PLOD2: variants seen among roughly 807,000 people sequenced by gnomAD.
PLOD2 encodes the protein lysine hydroxylase 2.
Under a neutral mutation model 101.0 loss-of-function variants are expected in PLOD2, and 65 were observed. The observed-to-expected ratio is 0.64, with a 90% CI of 0.53 to 0.79. The LOEUF (loss-of-function observed/expected upper bound fraction) is 0.79, where lower values mean the gene tolerates loss of function less well. Ranked by LOEUF, PLOD2 falls within the 30% of genes least tolerant of loss-of-function variation. The pLI, the probability that PLOD2 is intolerant of heterozygous loss-of-function variation, is 0.00. For missense variants in PLOD2, 909 were observed against 914.6 expected, an observed-to-expected ratio of 0.99 and a Z score of 0.08; for synonymous variants, 314 against 302.9, an observed-to-expected ratio of 1.04 and a Z score of -0.38.
In PLOD2 at chr3:146,081,879, G is replaced by C; in HGVS notation, c.1233-16C>G. Reference sequence around the variant, plus strand: ...AATGATCTTTCTAAAGACAGAGAGAGTGTGTGTGAGAGAGAGAAACCTATA... The same window carrying C: ...AATGATCTTTCTAAAGACAGAGAGACTGTGTGTGAGAGAGAGAAACCTATA... On this transcript the variant is annotated splice_polypyrimidine_tract_variant and intron_variant, in intron 11 of 19. Coordinates refer to ENST00000282903, the MANE Select transcript of PLOD2 (RefSeq NM_182943.3). 1 of 1,607,134 alleles carries C rather than the reference G, an allele frequency of 6.2e-7. No homozygotes were observed. The highest frequency in any genetic ancestry group is 8.5e-7 in the Non-Finnish European group (1 of 1,174,406).
chr3:146,102,611 T>C lies in PLOD2; in HGVS notation c.777+144A>G, dbSNP rs1218461077. The C allele has an allele frequency of 4.9e-6, 3 of 612,652 alleles. No individual in the cohort carries two copies. The Admixed American group carries it at 8.3e-5, about 17-fold the overall frequency. The allele number at this position is 612,652 out of a possible 1,614,324, so 38.0% of individuals were successfully genotyped here. A position where few individuals can be genotyped will look rare whatever the true frequency, so the allele number is the denominator to read the frequency against. On this transcript the variant is annotated intron_variant, in intron 7 of 19. Transcript: ENST00000282903. ...TTAATTAGTATAAAACCAGATGATA[T>C]ACTGTGTAAAAGATGAAGTCTTTAT...
At chr3:146,071,454 G>C in intron 17 of PLOD2, 31 bp from the exon 18 acceptor site, 2 of 1,601,076 alleles carry the variant, frequency 1.2e-6, no homozygotes, top group Non-Finnish European at 1.7e-6. Flanking sequence ...ATAATAAGCT[G>C]TACTCCACGT....
At chr3:146,158,577 ATGCCATAT>A (rs1223339543) in intron 1 of PLOD2, among the ~76,000 whole-genome samples, 1 of 152,162 alleles carries the variant, frequency 6.6e-6, no homozygotes, top group Non-Finnish European at 1.5e-5. Context: ...TAACACTATA[ATGCCATAT>A]TGCCTCAAAT....
chr3:146,077,189 A>C, intron 14 of PLOD2: 1 of 1,035,236 alleles, frequency 9.7e-7, no homozygotes, highest in Non-Finnish European at 1.2e-6. Context: ...CGGGGAAAAA[A>C]TTCCTGTTTG....
chr3:146,077,135 T>TGAAAAAAG, intron 14 of PLOD2: 1 of 1,149,228 alleles, frequency 8.7e-7, no homozygotes, highest in Non-Finnish European at 1.1e-6. Context: ...AAAAGAAGAA[T>TGAAAAAAG]GGACTGTTTT....
chr3:146,157,610 C>G (rs1379774441), intron 1 of PLOD2, among the ~76,000 whole-genome samples: 1 of 152,208 alleles, frequency 6.6e-6, no homozygotes, highest in Admixed American at 6.5e-5. Context: ...CCCATCCTGA[C>G]ATTTGGTACA....
At chr3:146,128,118 T>G (rs1409376358) in intron 1 of PLOD2, among the ~76,000 whole-genome samples, 5 of 152,110 alleles carry the variant, frequency 3.3e-5, no homozygotes, top group African/African-American at 1.2e-4. Context: ...TGTACAGAGT[T>G]CTTTAACCAA....
chr3:146,110,152 G>T (rs3804661), intron 4 of PLOD2, 133 bp downstream of exon 4: 1 of 754,880 alleles, frequency 1.3e-6, no homozygotes, highest in Non-Finnish European at 2.2e-6. Context: ...ATGGGAAAAT[G>T]CTTTGTCAAT....
intron 3 of PLOD2, among the ~76,000 whole-genome samples, chr3:146,116,309 T>G (rs961549663): frequency 6.6e-6 from 1 of 151,844 alleles, no homozygotes; most frequent in African/African-American, 2.4e-5. Flanking sequence ...ACGTACCCAG[T>G]TGACTTTGCA....
At chr3:146,159,514 T>C (rs372994016) in intron 1 of PLOD2, among the ~76,000 whole-genome samples, 3 of 152,210 alleles carry the variant, frequency 2.0e-5, no homozygotes, top group East Asian at 1.9e-4. Context: ...AAAGTCTCCT[T>C]GGGTGTTTCA....
At chr3:146,071,483 A>G (rs1936132661) in intron 17 of PLOD2, 60 bp from the exon 18 acceptor site, 2 of 1,508,410 alleles carry the variant, frequency 1.3e-6, no homozygotes, top group South Asian at 2.3e-5. Context: ...CATTTATATT[A>G]TAGTATTTTT....
chr3:146,078,977 T>G lies in PLOD2; in HGVS notation c.1500+139A>C, dbSNP rs1300141548. 1.3e-5 allele frequency: 10 copies of G among 769,890 alleles called. No individual in the cohort carries two copies. In the East Asian group the frequency reaches 2.5e-4, roughly 19 times the overall value. 47.7% of individuals were successfully genotyped at this position (769,890 alleles called of 1,614,324 possible). A position where few individuals can be genotyped will look rare whatever the true frequency, so the allele number is the denominator to read the frequency against. On this transcript the variant is annotated intron_variant, in intron 13 of 19. Transcript: ENST00000282903. ...ATTATCTCCAAAATTACTCCCAAATTTTTTAACACAGAACCAAAAAAATTG... is the reference window on the plus strand; with the variant it reads ...ATTATCTCCAAAATTACTCCCAAATGTTTTAACACAGAACCAAAAAAATTG...
intron 3 of PLOD2, among the ~76,000 whole-genome samples, chr3:146,113,299 GT>G (rs1937735601): frequency 6.6e-6 from 1 of 152,102 alleles, no homozygotes; most frequent in Non-Finnish European, 1.5e-5. Flanking sequence ...CTATTTCTGT[GT>G]TTAAATACTT....
At position 146,144,571 on chromosome 3, in the gene PLOD2, C is replaced by A. The variant is rs563122255; in HGVS notation, c.109+16310G>T. Among the ~76,000 whole-genome samples the A allele has an allele frequency of 2.6e-5, 4 of 152,124 alleles. No individual in the cohort carries two copies. In the South Asian group the frequency reaches 8.3e-4, roughly 32 times the overall value. On this transcript the variant is annotated intron_variant, in intron 1 of 19. Transcript: ENST00000282903. ...AAATAGGTAAAAATGGAAACCAAAA[C>A]TTATTTTCAATAATACCCTTACAAT...
intron 10 of PLOD2, 119 bp downstream of exon 10, chr3:146,086,668 G>C: frequency 1.6e-6 from 1 of 624,936 alleles, no homozygotes. Context: ...TACTGCATAC[G>C]CAAACAAATA....
chr3:146,104,320 T>C lies in PLOD2; in HGVS notation c.638A>G (p.Asp213Gly). The change falls in exon 6 of 20, where the codon GAT becomes GGT. Residue 213 changes from aspartate (D) to glycine (G), a missense_variant. Physicochemically the swap from Asp to Gly is moderately conservative, Grantham distance 94 (BLOSUM62 -1). Coordinates refer to ENST00000282903, the MANE Select transcript of PLOD2 (RefSeq NM_182943.3). ...GGTCTGGAAAATTTTGCATTTGTGA[T>C]CCAATGTGATGTTAATAGCTTCCTA... ...LKREAINITL[D>G]HKCKIFQTLN... 1 of 1,576,950 alleles carries C rather than the reference T, an allele frequency of 6.3e-7. No homozygotes were observed. The highest frequency in any genetic ancestry group is 8.7e-7 in the Non-Finnish European group (1 of 1,146,278).
At chr3:146,155,044 A>C (rs2032233130) in intron 1 of PLOD2, among the ~76,000 whole-genome samples, 2 of 152,334 alleles carry the variant, frequency 1.3e-5, no homozygotes, top group South Asian at 2.1e-4. Context: ...TTTAAATTAT[A>C]AACTATTTTT....
In PLOD2 at chr3:146,139,008, G is replaced by A. The variant is rs373946752; in HGVS notation, c.110-14779C>T. Among the ~76,000 whole-genome samples the A allele has an allele frequency of 9.2e-5, 14 of 152,214 alleles. No homozygotes were observed. The East Asian group carries it at 2.5e-3, about 27-fold the overall frequency. ...TACTGCATCTCATAATCTGACTCAA[G>A]TTTAACAGGATTACCCTGGTTGCTA... On this transcript the variant is annotated intron_variant, in intron 1 of 19. Coordinates refer to ENST00000282903, the MANE Select transcript of PLOD2 (RefSeq NM_182943.3).
At chr3:146,078,644 C>T (rs1472790705) in intron 13 of PLOD2, among the ~76,000 whole-genome samples, 6 of 151,764 alleles carry the variant, frequency 4.0e-5, no homozygotes, top group African/African-American at 1.2e-4. Flanking sequence ...GGTAATAATC[C>T]TGCTTTCTAA....
Sources: allele counts gnomAD v4.1 joint callset (sites outside exome capture counted in the v4.1 genomes callset), GRCh38; gene constraint gnomAD v4.1.1; transcripts MANE v1.5; gene names NCBI Gene and HGNC (gene_info 2026-07-23, HGNC 2026-07-21).